The following PEX5L variants were observed in gnomAD, a reference collection of about 807,000 sequenced individuals.
PEX5L encodes PEX5-related protein.
In PEX5L, 30 loss-of-function variants were observed where a neutral mutation model predicts 84.0. That is an observed-to-expected ratio of 0.36 (90% CI 0.27 to 0.48). PEX5L has a LOEUF of 0.48. Among genes scored for constraint, PEX5L ranks in the 20% least tolerant of loss-of-function variants. The probability of loss-of-function intolerance (pLI) is 0.99; values close to 1 mark genes in which losing one functional copy is unlikely to be tolerated. For missense variants in PEX5L, 533 were observed against 754.6 expected, an observed-to-expected ratio of 0.71 and a Z score of 3.44; for synonymous variants, 270 against 283.1, an observed-to-expected ratio of 0.95 and a Z score of 0.46.
chr3:179,994,712 A>C (rs563111005), intron 1 of PEX5L, among the ~76,000 whole-genome samples: 1 of 152,158 alleles, frequency 6.6e-6, no homozygotes, highest in South Asian at 2.1e-4. Flanking sequence ...TTAACATGTG[A>C]GTCAGTGGGC....
chr3:179,859,494 G>T (rs1008622012), intron 7 of PEX5L, among the ~76,000 whole-genome samples: 1 of 152,162 alleles, frequency 6.6e-6, no homozygotes, highest in Non-Finnish European at 1.5e-5. Flanking sequence ...ATTCTGATAC[G>T]CAGCTAGGAT....
At chr3:179,988,806 A>G (rs973679374) in intron 1 of PEX5L, among the ~76,000 whole-genome samples, 1 of 152,248 alleles carries the variant, frequency 6.6e-6, no homozygotes, top group African/African-American at 2.4e-5. Flanking sequence ...GAGTTAAATC[A>G]TAGGTAACAA....
rs1035990235 is a variant in PEX5L, at chr3:179,853,963, C to T, written c.822+5099G>A. ...AGTATCTGGGATGACAAGTACGTGC[C>T]ACCATGACTGGCTAATTTTTCTGTC... On this transcript the variant is annotated intron_variant, in intron 8 of 14. Coordinates refer to ENST00000467460, the MANE Select transcript of PEX5L (RefSeq NM_016559.3). Among the ~76,000 whole-genome samples the T allele has an allele frequency of 3.0e-4, 45 of 150,258 alleles. 1 individual carries two copies. Among genetic ancestry groups the T allele is most frequent in the African/African-American group, 1.1e-3 (44 of 40,988 alleles).
chr3:179,872,462 T>C (rs1750709943), intron 7 of PEX5L, among the ~76,000 whole-genome samples: 1 of 152,226 alleles, frequency 6.6e-6, no homozygotes, highest in Admixed American at 6.5e-5. Context: ...TTAAGATTTG[T>C]CCAGATAGAA....
intron 2 of PEX5L, among the ~76,000 whole-genome samples, chr3:179,925,748 T>C (rs1327483229): frequency 6.6e-6 from 1 of 152,224 alleles, no homozygotes. Flanking sequence ...AGAAAAATGA[T>C]ACCAATATTC....
intron 2 of PEX5L, among the ~76,000 whole-genome samples, chr3:179,918,978 T>A (rs1383501195): frequency 6.6e-6 from 1 of 152,200 alleles, no homozygotes; most frequent in African/African-American, 2.4e-5. Flanking sequence ...ACTGTATATC[T>A]CAGGCCAGCT....
chr3:180,032,726 C>T (rs936320796), intron 1 of PEX5L, among the ~76,000 whole-genome samples: 4 of 152,114 alleles, frequency 2.6e-5, no homozygotes, highest in Admixed American at 2.6e-4. Flanking sequence ...TGGTGGCATG[C>T]ACCTGTAGTC....
chr3:179,911,838 A>G (rs1765291491), intron 2 of PEX5L, among the ~76,000 whole-genome samples: 2 of 152,178 alleles, frequency 1.3e-5, no homozygotes, highest in Non-Finnish European at 2.9e-5. Context: ...TAGGAAATCT[A>G]TCCAACCACA....
chr3:179,872,981 T>C (rs1437684874), intron 7 of PEX5L, among the ~76,000 whole-genome samples: 5 of 152,226 alleles, frequency 3.3e-5, no homozygotes, highest in African/African-American at 9.6e-5. Flanking sequence ...AGGAAGTTAG[T>C]GGACTTGTTT....
chr3:179,838,278 G>C (rs1007262937), intron 8 of PEX5L, among the ~76,000 whole-genome samples: 10 of 152,076 alleles, frequency 6.6e-5, no homozygotes, highest in Admixed American at 5.9e-4. Flanking sequence ...AAAAATCAGA[G>C]ATATCATGTG....
In PEX5L at chr3:179,877,485, G is replaced by C. The variant is rs1450560662; in HGVS notation, c.506-2008C>G. 2.6e-5 allele frequency among the ~76,000 whole-genome samples: 4 copies of C among 152,080 alleles called. No individual in the cohort carries two copies. The South Asian group carries it at 8.3e-4, about 32-fold the overall frequency. On this transcript the variant is annotated intron_variant, in intron 5 of 14. Coordinates refer to ENST00000467460, the MANE Select transcript of PEX5L (RefSeq NM_016559.3). The stretch of plus-strand genomic sequence containing the variant: ...AATATATTCTTTTTTTTAAGACAAG[G>C]TCTCACTCTGTTGCCCAGGCTGAAG...
At chr3:180,015,180 C>T (rs531793554) in intron 1 of PEX5L, among the ~76,000 whole-genome samples, 5 of 152,098 alleles carry the variant, frequency 3.3e-5, no homozygotes, top group Non-Finnish European at 5.9e-5. Context: ...GGGTTGGCTC[C>T]GTAAACCCCT....
chr3:179,840,772 C>T (rs191819494), intron 8 of PEX5L, among the ~76,000 whole-genome samples: 113 of 152,204 alleles, frequency 7.4e-4, no homozygotes, highest in African/African-American at 2.6e-3. Flanking sequence ...GGGCATCATC[C>T]GGGACTGCAG....
chr3:179,888,277 G>A, intron 3 of PEX5L: 1 of 602,620 alleles, frequency 1.7e-6, no homozygotes, highest in South Asian at 1.6e-5. Flanking sequence ...CTCTTAAAAA[G>A]CTCAGGTCAC....
At chr3:179,914,680 C>G (rs748806097) in intron 2 of PEX5L, among the ~76,000 whole-genome samples, 1 of 152,210 alleles carries the variant, frequency 6.6e-6, no homozygotes, top group African/African-American at 2.4e-5. Context: ...AAAACCATCT[C>G]CTTCCCAAAC....
intron 7 of PEX5L, among the ~76,000 whole-genome samples, chr3:179,869,193 T>C (rs1029652899): frequency 3.3e-5 from 5 of 152,206 alleles, no homozygotes; most frequent in Non-Finnish European, 7.3e-5. Flanking sequence ...TGCAAAAGCC[T>C]GTCTTGGAGC....
intron 1 of PEX5L, among the ~76,000 whole-genome samples, chr3:180,004,631 G>C (rs1207003562): frequency 6.6e-6 from 1 of 151,990 alleles, no homozygotes; most frequent in Non-Finnish European, 1.5e-5. Context: ...TCAAAGTCTT[G>C]CTATATAAAT....
intron 1 of PEX5L, chr3:179,974,194 C>T (rs1421694706): frequency 1.0e-6 from 1 of 985,424 alleles, no homozygotes; most frequent in Non-Finnish European, 1.2e-6. Context: ...TCTGCGTGGT[C>T]TTTCACAGTA....
chr3:180,010,451 A>G (rs867564358), intron 1 of PEX5L, among the ~76,000 whole-genome samples: 1 of 152,046 alleles, frequency 6.6e-6, no homozygotes, highest in South Asian at 2.1e-4. Flanking sequence ...TCCAAAGGAC[A>G]GTCCCCCAAA....
Sources: gnomAD v4.1 joint callset for allele counts (sites outside exome capture counted in the v4.1 genomes callset) on GRCh38, gnomAD v4.1.1 for gene constraint, MANE v1.5 for transcripts, NCBI Gene and HGNC (gene_info 2026-07-23, HGNC 2026-07-21) for gene names.